The following NRXN1 variants were observed in gnomAD, a reference collection of about 807,000 sequenced individuals.
NRXN1 encodes the protein neurexin 1.
Under a neutral mutation model 150.9 loss-of-function variants are expected in NRXN1, and 39 were observed. That is an observed-to-expected ratio of 0.26 (90% CI 0.20 to 0.34). The LOEUF (loss-of-function observed/expected upper bound fraction) is 0.34, where lower values mean the gene tolerates loss of function less well. NRXN1 is among the 10% of genes least tolerant of loss of function. The probability of loss-of-function intolerance (pLI) is 1.00; values close to 1 mark genes in which losing one functional copy is unlikely to be tolerated. For missense variants in NRXN1, 1,815 were observed against 1,949.9 expected (o/e 0.93, Z 1.30); for synonymous variants, 924 against 757.0 (o/e 1.22, Z -3.62).
chr2:50,334,806 A>T (rs189461357), intron 17 of NRXN1, among the ~76,000 whole-genome samples: 435 of 152,352 alleles, frequency 2.9e-3, no homozygotes, highest in African/African-American at 9.8e-3. Context: ...CATAGATTAA[A>T]CTTATTGCTG....
chr2:51,011,818 A>G (rs1575215815), intron 2 of NRXN1, among the ~76,000 whole-genome samples: 1 of 152,130 alleles, frequency 6.6e-6, no homozygotes, highest in East Asian at 1.9e-4. Flanking sequence ...CTCCAGTAGT[A>G]GAGACAAATG....
At chr2:50,379,696 A>T (rs1435556790) in intron 17 of NRXN1, among the ~76,000 whole-genome samples, 2 of 152,168 alleles carry the variant, frequency 1.3e-5, no homozygotes, top group Non-Finnish European at 2.9e-5. Context: ...ATTAACGTGC[A>T]ATTTAGAAAA....
intron 17 of NRXN1, among the ~76,000 whole-genome samples, chr2:50,317,174 C>A (rs2075676410): frequency 2.0e-5 from 3 of 151,872 alleles, no homozygotes; most frequent in African/African-American, 7.3e-5. Context: ...CATGTAATCA[C>A]TGTTCCAGAA....
chr2:50,017,999 G>A (rs1686933611), intron 21 of NRXN1, among the ~76,000 whole-genome samples: 1 of 152,124 alleles, frequency 6.6e-6, no homozygotes. Context: ...AAAGGAAGAT[G>A]TCGATTTAAA....
intron 18 of NRXN1, among the ~76,000 whole-genome samples, chr2:50,209,974 C>A (rs1277050776): frequency 6.6e-6 from 1 of 151,906 alleles, no homozygotes; most frequent in Admixed American, 6.6e-5. Context: ...TATTAGTGAT[C>A]TTATTAATGC....
At chr2:50,668,686 C>T in intron 5 of NRXN1, among the ~76,000 whole-genome samples, 1 of 151,924 alleles carries the variant, frequency 6.6e-6, no homozygotes. Flanking sequence ...TTTTGGCGGG[C>T]ATTCTGATGT....
At chr2:50,683,646 A>AAAAAAAATATATATATATATATAT in intron 5 of NRXN1, among the ~76,000 whole-genome samples, 1 of 14,908 alleles carries the variant, frequency 6.7e-5, no homozygotes, top group Non-Finnish European at 1.1e-4. Flanking sequence ...AAAAAAAAAA[A>AAAAAAAATATATATATATATATAT]ATATATATAT....
intron 21 of NRXN1, among the ~76,000 whole-genome samples, chr2:50,039,060 C>G (rs1237808323): frequency 6.6e-6 from 1 of 151,856 alleles, no homozygotes; most frequent in East Asian, 1.9e-4. Context: ...GCCTGTAGTC[C>G]CAGCCACTCA....
At chr2:50,252,927 G>T (rs975646380) in intron 17 of NRXN1, among the ~76,000 whole-genome samples, 30 of 152,076 alleles carry the variant, frequency 2.0e-4, no homozygotes, top group Non-Finnish European at 2.8e-4. Context: ...TTTTAAAATG[G>T]TTTTTTCTAA....
intron 21 of NRXN1, among the ~76,000 whole-genome samples, chr2:49,963,444 GAA>G (rs1433918873): frequency 5.9e-5 from 9 of 152,192 alleles, no homozygotes; most frequent in African/African-American, 2.2e-4. Flanking sequence ...GAAAAGCTAA[GAA>G]AAGAGTTCCT....
rs1226697396 is a variant in NRXN1 at position 50,802,480 on chromosome 2, G to T, written c.832+119389C>A. Among the ~76,000 whole-genome samples the T allele has an allele frequency of 2.1e-5, 3 of 143,090 alleles. No individual in the cohort carries two copies. The Admixed American group carries it at 2.3e-4, about 11-fold the overall frequency. 93.9% of individuals were successfully genotyped at this position (143,090 alleles called of 152,430 possible). A position where few individuals can be genotyped will look rare whatever the true frequency, so the allele number is the denominator to read the frequency against. ...GTACTCCAGCCTGGGCAACAAGAGT[G>T]AATCTCTGAGAAAGAGAAATGGAAG... On this transcript the variant is annotated intron_variant, in intron 5 of 22. Transcript: ENST00000401669.
chr2:50,002,167 T>A (rs1427370551), intron 21 of NRXN1, among the ~76,000 whole-genome samples: 1 of 152,066 alleles, frequency 6.6e-6, no homozygotes, highest in South Asian at 2.1e-4. Context: ...GTGCCCCGAC[T>A]TCAGTCAGAC....
chr2:50,751,725 C>T (rs568085229), intron 5 of NRXN1, among the ~76,000 whole-genome samples: 1 of 152,076 alleles, frequency 6.6e-6, no homozygotes, highest in Admixed American at 6.6e-5. Context: ...AAACAGCCTA[C>T]TTACCCATGG....
chr2:50,759,825 G>A (rs1701585097), intron 5 of NRXN1, among the ~76,000 whole-genome samples: 1 of 106,440 alleles, frequency 9.4e-6, no homozygotes, highest in Admixed American at 1.1e-4. Context: ...ATCTAACTAA[G>A]CTGTGTGTGT....
intron 8 of NRXN1, among the ~76,000 whole-genome samples, chr2:50,605,081 A>C (rs1676875714): frequency 6.6e-6 from 1 of 152,200 alleles, no homozygotes; most frequent in South Asian, 2.1e-4. Context: ...AGTAGCAATA[A>C]ATGCTATGAT....
intron 18 of NRXN1, among the ~76,000 whole-genome samples, chr2:50,156,893 TC>T (rs1165705014): frequency 1.3e-5 from 2 of 151,970 alleles, no homozygotes; most frequent in African/African-American, 2.4e-5. Context: ...TAAGAAAATG[TC>T]CTTTTGGTTG....
intron 2 of NRXN1, among the ~76,000 whole-genome samples, chr2:50,960,062 C>T (rs934529882): frequency 6.6e-6 from 1 of 151,950 alleles, no homozygotes; most frequent in African/African-American, 2.4e-5. Context: ...TTCCACTGTT[C>T]TCAAAAGAAT....
At chr2:50,906,413 CA>C (rs1187407291) in intron 5 of NRXN1, among the ~76,000 whole-genome samples, 2 of 152,076 alleles carry the variant, frequency 1.3e-5, no homozygotes, top group African/African-American at 2.4e-5. Context: ...TGTAACTAAT[CA>C]ACCAACAAAC....
chr2:50,037,316 T>TA (rs199998218), intron 21 of NRXN1, among the ~76,000 whole-genome samples: 4 of 122,370 alleles, frequency 3.3e-5, no homozygotes, highest in South Asian at 2.4e-4. Context: ...TCAAAATTTA[T>TA]AAAAAAAATT....
Sources: gnomAD v4.1 joint callset for allele counts (sites outside exome capture counted in the v4.1 genomes callset) on GRCh38, gnomAD v4.1.1 for gene constraint, MANE v1.5 for transcripts, NCBI Gene and HGNC (gene_info 2026-07-23, HGNC 2026-07-21) for gene names.